Variants in SENP6 observed in about 807,000 individuals in gnomAD.
The protein encoded by SENP6 is SUMO specific peptidase 6, also known as sentrin-specific protease 6.
A neutral mutation model predicts 134.5 loss-of-function variants in SENP6; 41 were observed. That is an observed-to-expected ratio of 0.30 (90% confidence interval 0.24 to 0.40). The LOEUF (loss-of-function observed/expected upper bound fraction) is 0.40, where lower values mean the gene tolerates loss of function less well. SENP6 is among the 10% of genes least tolerant of loss of function. SENP6 has a pLI of 1.00. For synonymous variants in SENP6, 395 were observed against 429.8 expected (o/e 0.92, Z 1.00); for missense variants, 1,248 against 1,312.5 (o/e 0.95, Z 0.76).
In SENP6 at chr6:75,605,778, A is replaced by G. The variant is rs558296665; in HGVS notation, c.52+3202A>G. Among the ~76,000 whole-genome samples, 5 of 152,280 alleles carry G rather than the reference A, an allele frequency of 3.3e-5. No individual in the cohort carries two copies. The South Asian group carries it at 6.2e-4, about 19-fold the overall frequency. ...GTTTGGCGCAAGGGGGTGTAATGAT[A>G]TGGTTTATCTTTTTTTAAAAAAAAG... On this transcript the variant is annotated intron_variant, in intron 1 of 23. Transcript: ENST00000447266.
intron 2 of SENP6, chr6:75,622,706 T>C (rs1768369209): frequency 1.0e-6 from 1 of 992,860 alleles, no homozygotes; most frequent in Middle Eastern, 2.5e-4. Flanking sequence ...TTAAAGAAAT[T>C]TTTATACAAG....
intron 3 of SENP6, among the ~76,000 whole-genome samples, chr6:75,628,134 A>G (rs1189033585): frequency 6.6e-6 from 1 of 152,172 alleles, no homozygotes; most frequent in Non-Finnish European, 1.5e-5. Flanking sequence ...TTTTAAGTAT[A>G]CATGGACCAT....
At chr6:75,614,549 A>G (rs1767708386) in intron 1 of SENP6, among the ~76,000 whole-genome samples, 1 of 152,166 alleles carries the variant, frequency 6.6e-6, no homozygotes, top group Non-Finnish European at 1.5e-5. Flanking sequence ...TACAGGCGTG[A>G]GCCACTGCAC....
intron 16 of SENP6, among the ~76,000 whole-genome samples, chr6:75,694,907 C>T (rs534056771): frequency 6.6e-6 from 1 of 152,130 alleles, no homozygotes; most frequent in East Asian, 1.9e-4. Context: ...AAGTCTTGGT[C>T]TGTCATGCCC....
chr6:75,666,236 GAT>G (rs974650766), intron 9 of SENP6, among the ~76,000 whole-genome samples: 1 of 115,544 alleles, frequency 8.7e-6, no homozygotes, highest in African/African-American at 3.0e-5. Flanking sequence ...TATAAAATAT[GAT>G]ATATAAAATA....
chr6:75,674,245 C>T (rs1772914886), intron 11 of SENP6, among the ~76,000 whole-genome samples: 2 of 148,804 alleles, frequency 1.3e-5, no homozygotes, highest in African/African-American at 5.0e-5. Context: ...TAACCTTGAA[C>T]TCCTAGGCAC....
rs147555561 is a variant in SENP6 at position 75,636,046 on chromosome 6, T to TA, written c.458+1244dup. 0.011 allele frequency among the ~76,000 whole-genome samples: 1,695 copies of TA among 151,304 alleles called. 59 individuals are homozygous for TA. The East Asian group carries it at 0.14, about 12-fold the overall frequency. Reference sequence around the variant, plus strand: ...TTCCTCATTTCCTCACTGGTAATGTTAAAAAAAAACAACCCGTTAATAGTC... The same window carrying TA: ...TTCCTCATTTCCTCACTGGTAATGTTAAAAAAAAAACAACCCGTTAATAGTC... On this transcript the variant is annotated intron_variant, in intron 5 of 23. Coordinates refer to ENST00000447266, the MANE Select transcript of SENP6 (RefSeq NM_015571.4).
rs1355240484 is a variant in SENP6, at chr6:75,715,634, A to C, written c.*40A>C. On this transcript the variant is annotated 3_prime_UTR_variant, in exon 24 of 24. Transcript: ENST00000447266. Reference sequence around the variant, plus strand: ...TGTCATTTCTACTTTCAGAAACTAAATGACTTTCAAATTTGGGTATAGACA... The same window carrying C: ...TGTCATTTCTACTTTCAGAAACTAACTGACTTTCAAATTTGGGTATAGACA... The C allele has an allele frequency of 1.3e-6, 2 of 1,516,204 alleles. No individual in the cohort carries two copies. Among genetic ancestry groups the C allele is most frequent in the Non-Finnish European group, 1.8e-6 (2 of 1,103,582 alleles). The allele number at this position is 1,516,204 out of a possible 1,614,324, so 93.9% of individuals were successfully genotyped here.
intron 1 of SENP6, among the ~76,000 whole-genome samples, chr6:75,617,880 T>A (rs1389654376): frequency 6.6e-6 from 1 of 152,236 alleles, no homozygotes; most frequent in Non-Finnish European, 1.5e-5. Flanking sequence ...CAAAATACTG[T>A]ATACAGGTAT....
At chr6:75,642,689 T>A (rs1770121143) in intron 6 of SENP6, among the ~76,000 whole-genome samples, 1 of 152,252 alleles carries the variant, frequency 6.6e-6, no homozygotes, top group African/African-American at 2.4e-5. Context: ...TCAGAGCATT[T>A]GAGATAGGGA....
At chr6:75,687,904 G>A (rs746144089) in intron 16 of SENP6, among the ~76,000 whole-genome samples, 6 of 152,210 alleles carry the variant, frequency 3.9e-5, no homozygotes, top group South Asian at 2.1e-4. Flanking sequence ...CTCAGATGCC[G>A]TGCTGGGAGA....
chr6:75,686,588 C>A (rs960143706), intron 16 of SENP6, among the ~76,000 whole-genome samples: 3 of 152,158 alleles, frequency 2.0e-5, no homozygotes, highest in Non-Finnish European at 4.4e-5. Context: ...CAAGGCAGGC[C>A]TGGTGGTGAC....
chr6:75,616,965 T>C (rs1430482669), intron 1 of SENP6, among the ~76,000 whole-genome samples: 7 of 151,852 alleles, frequency 4.6e-5, no homozygotes, highest in African/African-American at 7.3e-5. Context: ...CCAGGCTCAA[T>C]TGATCCTCCG....
In SENP6 at chr6:75,678,611, G is replaced by A. The variant is rs79184586; in HGVS notation, c.1877G>A (p.Arg626Lys). The A allele has an allele frequency of 6.3e-7, 1 of 1,582,826 alleles. No individual in the cohort carries two copies. Among genetic ancestry groups the A allele is most frequent in the East Asian group, 2.2e-5 (1 of 44,584 alleles). Residue 626 changes from arginine to lysine, a missense_variant, in exon 15 of 24, where the codon AGA becomes AAA. By Grantham distance (26) the Arg-to-Lys change is conservative. Transcript: ENST00000447266. The part of the protein sequence containing the change: ...TVSFESKIQL[R>K]SKQEFQFFDE... ...TCATTTGAATCTAAAATACAACTTA[G>A]AAGCAAACAAGAATTTCAGTTTTTT...
At chr6:75,617,210 A>G (rs1016578916) in intron 1 of SENP6, among the ~76,000 whole-genome samples, 5 of 148,872 alleles carry the variant, frequency 3.4e-5, no homozygotes, top group Non-Finnish European at 7.4e-5. Context: ...CTTTTGGAAT[A>G]CATTTAAATT....
intron 1 of SENP6, among the ~76,000 whole-genome samples, chr6:75,619,701 C>T (rs192122880): frequency 1.1e-3 from 169 of 152,258 alleles, no homozygotes; most frequent in African/African-American, 3.9e-3. Flanking sequence ...TTATTTTCTA[C>T]AGTGCCTGAA....
intron 3 of SENP6, among the ~76,000 whole-genome samples, chr6:75,632,652 A>G (rs1769199817): frequency 1.3e-5 from 2 of 151,794 alleles, no homozygotes; most frequent in Non-Finnish European, 2.9e-5. Context: ...ATCTATTCAC[A>G]GTAGTTCTCT....
At chr6:75,652,137 A>G (rs1282102868) in intron 7 of SENP6, among the ~76,000 whole-genome samples, 2 of 151,818 alleles carry the variant, frequency 1.3e-5, no homozygotes, top group Non-Finnish European at 2.9e-5. Context: ...CAATCGCGCC[A>G]CTGTCCTCCA....
chr6:75,633,689 A>C lies in SENP6; in HGVS notation c.316A>C (p.Ile106Leu). ...ESFKTLKGNP[I>L]GLNMLSNNKK... The stretch of plus-strand genomic sequence containing the variant: ...TTTTAAAACTTTGAAAGGCAACCCA[A>C]TTGGACTTAACATGTTGAGCAACAA... Residue 106 changes from isoleucine to leucine, a missense_variant, in exon 4 of 24, where the codon ATT becomes CTT. Transcript: ENST00000447266. 6.2e-7 allele frequency: 1 copy of C among 1,611,894 alleles called. No homozygotes were observed. The highest frequency in any genetic ancestry group is 8.5e-7 in the Non-Finnish European group (1 of 1,179,158).
Sources: gnomAD v4.1 joint callset for allele counts (sites outside exome capture counted in the v4.1 genomes callset) on GRCh38, gnomAD v4.1.1 for gene constraint, MANE v1.5 for transcripts, NCBI Gene and HGNC (gene_info 2026-07-23, HGNC 2026-07-21) for gene names.